The following EYA4 variants were observed in gnomAD, a reference collection of about 807,000 sequenced individuals.
EYA4 encodes protein phosphatase EYA4.
A neutral mutation model predicts 87.9 loss-of-function variants in EYA4; 31 were observed. The ratio of observed to expected loss-of-function variants is 0.35; its 90% CI spans 0.27 to 0.48. EYA4 has a LOEUF of 0.48. Ranked by LOEUF, EYA4 falls within the 20% of genes least tolerant of loss-of-function variation. The pLI is 0.99. For missense variants in EYA4, 678 were observed against 761.4 expected (o/e 0.89, Z 1.29); for synonymous variants, 263 against 270.6 (o/e 0.97, Z 0.28).
intron 1 of EYA4, among the ~76,000 whole-genome samples, chr6:133,256,395 C>G (rs1156654659): frequency 6.6e-6 from 1 of 151,736 alleles, no homozygotes; most frequent in Non-Finnish European, 1.5e-5. Context: ...AGAAATGGTT[C>G]TAACTCTCAT....
intron 3 of EYA4, among the ~76,000 whole-genome samples, chr6:133,439,119 G>A (rs967779624): frequency 4.7e-5 from 7 of 147,802 alleles, no homozygotes; most frequent in Admixed American, 1.4e-4. Flanking sequence ...ATGACTTTAC[G>A]AGCATTTAGC....
intron 2 of EYA4, among the ~76,000 whole-genome samples, chr6:133,287,620 A>G (rs1778167391): frequency 6.7e-6 from 1 of 149,250 alleles, no homozygotes; most frequent in Admixed American, 6.9e-5. Context: ...TTACTGCACA[A>G]AAGACAGAGA....
At chr6:133,444,716 G>C (rs11961662) in intron 3 of EYA4, among the ~76,000 whole-genome samples, 20,173 of 152,058 alleles carry the variant, frequency 0.13, 2,023 homozygotes, top group East Asian at 0.31. Context: ...GTTTAGTTGA[G>C]GGCAAGTTTT....
chr6:133,312,551 G>T (rs536671631), intron 2 of EYA4, among the ~76,000 whole-genome samples: 7 of 152,130 alleles, frequency 4.6e-5, no homozygotes, highest in African/African-American at 1.4e-4. Context: ...GTAAAAATAC[G>T]TTATAAACTG....
intron 11 of EYA4, among the ~76,000 whole-genome samples, chr6:133,469,355 G>A (rs212764): frequency 0.81 from 122,628 of 151,964 alleles, 50,060 homozygotes; most frequent in African/African-American, 0.93. Context: ...AATTATTGAG[G>A]TGATTCTAAA....
chr6:133,278,382 C>A (rs939240443), intron 2 of EYA4, among the ~76,000 whole-genome samples: 23 of 152,312 alleles, frequency 1.5e-4, no homozygotes, highest in African/African-American at 4.6e-4. Context: ...ACTTACCCTA[C>A]AGGACTGAAA....
chr6:133,285,843 G>T (rs1778014388), intron 2 of EYA4, among the ~76,000 whole-genome samples: 1 of 152,184 alleles, frequency 6.6e-6, no homozygotes, highest in Non-Finnish European at 1.5e-5. Flanking sequence ...AGGTCTTTGT[G>T]CAGAGAAATG....
chr6:133,307,463 G>T (rs138463592), intron 2 of EYA4, among the ~76,000 whole-genome samples: 22 of 152,260 alleles, frequency 1.4e-4, no homozygotes, highest in African/African-American at 4.8e-4. Flanking sequence ...CCTTAATTGA[G>T]AACCTATTGC....
At chr6:133,466,176 TATA>T (rs1355239814) in intron 10 of EYA4, among the ~76,000 whole-genome samples, 1 of 152,120 alleles carries the variant, frequency 6.6e-6, no homozygotes, top group Non-Finnish European at 1.5e-5. Context: ...ATATAGTGAA[TATA>T]ATAACAGAAA....
At position 133,528,709 on chromosome 6, in the gene EYA4, T is replaced by G. The variant is rs1039495587; in HGVS notation, c.1840-16T>G. Reference sequence around the variant, plus strand: ...TCCCCTTCTCTCTCCCATCCCTCCTTCTCCTAACCACACAGCACAACATGC... The same window carrying G: ...TCCCCTTCTCTCTCCCATCCCTCCTGCTCCTAACCACACAGCACAACATGC... On this transcript the variant is annotated splice_polypyrimidine_tract_variant and intron_variant, in intron 19 of 19. Transcript: ENST00000355286. The G allele has an allele frequency of 1.4e-5, 22 of 1,583,368 alleles. No individual in the cohort carries two copies. Among genetic ancestry groups the G allele is most frequent in the Non-Finnish European group, 1.9e-5 (22 of 1,152,414 alleles).
At chr6:133,379,598 A>G (rs1785999947) in intron 2 of EYA4, among the ~76,000 whole-genome samples, 1 of 152,150 alleles carries the variant, frequency 6.6e-6, no homozygotes, top group Non-Finnish European at 1.5e-5. Context: ...TCAATCAATT[A>G]CAATATTCTG....
chr6:133,515,726 T>A lies in EYA4; in HGVS notation c.1616+291T>A, dbSNP rs67351386. Among the ~76,000 whole-genome samples, 29,075 of 151,666 alleles carry A rather than the reference T, an allele frequency of 0.19. 3,325 individuals are homozygous for A. Among genetic ancestry groups the A allele is most frequent in the African/African-American group, 0.3 (12,533 of 41,304 alleles). On this transcript the variant is annotated intron_variant, in intron 17 of 19. Transcript: ENST00000355286. Reference sequence around the variant, plus strand: ...CTATCTCACCACCCATCTCTTCTCATAGCAACTGATAATCCCCACAGAATG... The same window carrying A: ...CTATCTCACCACCCATCTCTTCTCAAAGCAACTGATAATCCCCACAGAATG...
rs375060294 is a variant in EYA4 at position 133,261,526 on chromosome 6, A to G, written c.-65-13190A>G. On this transcript the variant is annotated intron_variant, in intron 1 of 19. Transcript: ENST00000355286. ...TTTGATGTTATACAGAATGACAACTAAAAGGTGACAAATGCTAATGACTTA... is the reference window on the plus strand; with the variant it reads ...TTTGATGTTATACAGAATGACAACTGAAAGGTGACAAATGCTAATGACTTA... Among the ~76,000 whole-genome samples the G allele has an allele frequency of 8.5e-5, 13 of 152,292 alleles. No homozygotes were observed. In the South Asian group the frequency reaches 2.1e-3, roughly 24 times the overall value.
At chr6:133,443,206 T>G (rs954062839) in intron 3 of EYA4, among the ~76,000 whole-genome samples, 9 of 151,816 alleles carry the variant, frequency 5.9e-5, no homozygotes, top group African/African-American at 2.2e-4. Flanking sequence ...TAAAAAAAAT[T>G]TTTTTTTAAA....
chr6:133,394,697 A>G (rs1419480672), intron 3 of EYA4, among the ~76,000 whole-genome samples: 4 of 152,234 alleles, frequency 2.6e-5, no homozygotes, highest in African/African-American at 9.6e-5. Context: ...AAAATGTTTA[A>G]CAAAGTACCT....
At chr6:133,391,232 T>TGTTTTTGTTTTTG (rs1562365407) in intron 3 of EYA4, among the ~76,000 whole-genome samples, 3 of 150,174 alleles carry the variant, frequency 2.0e-5, no homozygotes, top group Non-Finnish European at 4.4e-5. Context: ...GTTTTTTTTT[T>TGTTTTTGTTTTTG]TTTTTTGAGA....
At chr6:133,432,614 T>C (rs1791288464) in intron 3 of EYA4, among the ~76,000 whole-genome samples, 1 of 152,146 alleles carries the variant, frequency 6.6e-6, no homozygotes, top group Non-Finnish European at 1.5e-5. Flanking sequence ...CATTGCTTGC[T>C]ATGGAGTGGA....
rs1478968178 is a variant in EYA4, at chr6:133,530,682, GT to G, written c.*1880del. 1.0e-6 allele frequency: 1 copy of G among 985,552 alleles called. No homozygotes were observed. The highest frequency in any genetic ancestry group is 6.1e-5 in the Admixed American group (1 of 16,262). 61.1% of individuals were successfully genotyped at this position (985,552 alleles called of 1,614,324 possible). ...TTTCTTTACTGAATGCTAAGGCCAT[GT>G]TTATATTGGGTAGAAAGATATTGAG... On this transcript the variant is annotated 3_prime_UTR_variant, in exon 20 of 20. Coordinates refer to ENST00000355286, the MANE Select transcript of EYA4 (RefSeq NM_004100.5).
intron 11 of EYA4, among the ~76,000 whole-genome samples, chr6:133,479,058 T>G (rs865821976): frequency 9.2e-5 from 14 of 152,322 alleles, no homozygotes; most frequent in Middle Eastern, 3.4e-3. Flanking sequence ...CCAAAATGTT[T>G]TTTAAATGCA....
Sources: gnomAD v4.1 joint callset for allele counts (sites outside exome capture counted in the v4.1 genomes callset) on GRCh38, gnomAD v4.1.1 for gene constraint, MANE v1.5 for transcripts, NCBI Gene and HGNC (gene_info 2026-07-23, HGNC 2026-07-21) for gene names.